The following IMMP2L variants were observed in gnomAD, a reference collection of about 807,000 sequenced individuals.
The protein encoded by IMMP2L is mitochondrial inner membrane protease subunit 2.
In IMMP2L, 18 loss-of-function variants were observed where a neutral mutation model predicts 19.3. The observed-to-expected ratio is 0.93, with a 90% CI of 0.64 to 1.38. The LOEUF is 1.38. Among genes scored for constraint, IMMP2L ranks in the 40% most tolerant of loss-of-function variants. IMMP2L has a pLI of 0.00. For synonymous variants in IMMP2L, 76 were observed against 73.0 expected (o/e 1.04, Z -0.21); for missense variants, 233 against 218.2 (o/e 1.07, Z -0.43).
intron 5 of IMMP2L, among the ~76,000 whole-genome samples, chr7:110,863,286 G>A (rs1449326410): frequency 6.6e-6 from 1 of 152,066 alleles, no homozygotes; most frequent in Non-Finnish European, 1.5e-5. Flanking sequence ...GCTTAGCTCT[G>A]CTCCACACAT....
chr7:110,997,217 T>A (rs1333937259), intron 3 of IMMP2L, among the ~76,000 whole-genome samples: 1 of 152,176 alleles, frequency 6.6e-6, no homozygotes, highest in Admixed American at 6.6e-5. Context: ...TTGTTGCATA[T>A]ATCAATAGTT....
At chr7:110,989,003 G>A (rs541171177) in intron 3 of IMMP2L, among the ~76,000 whole-genome samples, 49 of 152,106 alleles carry the variant, frequency 3.2e-4, no homozygotes, top group Non-Finnish European at 6.2e-4. Context: ...TTGGGGGACC[G>A]AGGCGGCAGA....
chr7:111,548,607 TC>T (rs1563343787), intron 1 of IMMP2L, among the ~76,000 whole-genome samples: 4 of 152,162 alleles, frequency 2.6e-5, no homozygotes, highest in Non-Finnish European at 5.9e-5. Flanking sequence ...CTCGAAGTAA[TC>T]ACCATCAACC....
intron 3 of IMMP2L, among the ~76,000 whole-genome samples, chr7:110,977,762 T>C (rs1820851911): frequency 6.6e-6 from 1 of 151,866 alleles, no homozygotes; most frequent in Admixed American, 6.6e-5. Context: ...CCTTTCTTCT[T>C]CCTTAGAACC....
intron 5 of IMMP2L, among the ~76,000 whole-genome samples, chr7:110,858,730 T>A (rs1009471681): frequency 2.0e-5 from 3 of 151,990 alleles, no homozygotes; most frequent in Non-Finnish European, 4.4e-5. Context: ...ATTAGGTATA[T>A]CTCCTAATGC....
At chr7:110,721,624 A>G (rs1206141571) in intron 5 of IMMP2L, among the ~76,000 whole-genome samples, 1 of 152,136 alleles carries the variant, frequency 6.6e-6, no homozygotes, top group Non-Finnish European at 1.5e-5. Flanking sequence ...TTATTTAGAG[A>G]ACATTTCAGT....
intron 3 of IMMP2L, among the ~76,000 whole-genome samples, chr7:110,966,917 T>C (rs1205356042): frequency 6.6e-6 from 1 of 152,000 alleles, no homozygotes; most frequent in Non-Finnish European, 1.5e-5. Context: ...GAATAACAAG[T>C]GAAGGATTAT....
chr7:111,274,997 C>T (rs1008675705), intron 3 of IMMP2L, among the ~76,000 whole-genome samples: 6 of 152,122 alleles, frequency 3.9e-5, no homozygotes, highest in Admixed American at 1.3e-4. Flanking sequence ...AGCACCAAGG[C>T]GCAACTCTGC....
chr7:111,081,001 T>C (rs1050603624), intron 3 of IMMP2L, among the ~76,000 whole-genome samples: 1 of 152,250 alleles, frequency 6.6e-6, no homozygotes, highest in Admixed American at 6.5e-5. Flanking sequence ...AGGCTGTTCA[T>C]TTCAAAATGA....
At chr7:110,703,513 A>G (rs980246806) in intron 5 of IMMP2L, among the ~76,000 whole-genome samples, 1 of 152,136 alleles carries the variant, frequency 6.6e-6, no homozygotes, top group African/African-American at 2.4e-5. Context: ...TCTCAGAGAT[A>G]ATTCCTTTTA....
rs1798301084 is a variant in IMMP2L, at chr7:110,760,685, CT to C, written c.409-96965del. Among the ~76,000 whole-genome samples, 1 of 152,112 alleles carries C rather than the reference CT, an allele frequency of 6.6e-6. No individual in the cohort carries two copies. The highest frequency in any genetic ancestry group is 6.6e-5 in the Admixed American group (1 of 15,232). ...TTGAATCTTTTTTGGTCTGTGCTTT[CT>C]TTTTGTTCTACAATATATTTATTTC... On this transcript the variant is annotated intron_variant, in intron 5 of 5. Coordinates refer to ENST00000405709, the MANE Select transcript of IMMP2L (RefSeq NM_032549.4). This position sits in a 1 kb window ranked among gnomAD's most constrained non-coding sequence, Gnocchi z 4.2.
chr7:110,962,705 C>G, intron 4 of IMMP2L: 1 of 1,004,224 alleles, frequency 1.0e-6, no homozygotes, highest in Non-Finnish European at 1.2e-6. Flanking sequence ...CTAGAATCTG[C>G]TCTAAAACTG....
intron 5 of IMMP2L, among the ~76,000 whole-genome samples, chr7:110,816,205 GC>G (rs1179028615): frequency 6.6e-6 from 1 of 152,062 alleles, no homozygotes; most frequent in Admixed American, 6.6e-5. Flanking sequence ...CTTTATTTCT[GC>G]CTTCATTTCA....
chr7:111,442,638 G>T (rs1321178568), intron 3 of IMMP2L, among the ~76,000 whole-genome samples: 1 of 151,706 alleles, frequency 6.6e-6, no homozygotes, highest in African/African-American at 2.4e-5. Flanking sequence ...TGTCTGTATA[G>T]GTACCTCAAA....
chr7:111,545,130 T>C (rs916159003), intron 1 of IMMP2L, among the ~76,000 whole-genome samples: 1 of 151,800 alleles, frequency 6.6e-6, no homozygotes, highest in Non-Finnish European at 1.5e-5. Context: ...AGTACAATTA[T>C]ATTTTTAAAT....
chr7:110,808,838 T>C (rs1196244929), intron 5 of IMMP2L, among the ~76,000 whole-genome samples: 1 of 152,074 alleles, frequency 6.6e-6, no homozygotes, highest in Non-Finnish European at 1.5e-5. Context: ...TGGTTCTATG[T>C]GGTTTTCGTC....
At chr7:110,788,847 G>C (rs777586642) in intron 5 of IMMP2L, among the ~76,000 whole-genome samples, 14 of 151,724 alleles carry the variant, frequency 9.2e-5, no homozygotes, top group Admixed American at 1.3e-4. Context: ...TAGTACATCT[G>C]TTTCCTATCC....
At chr7:111,075,845 C>A (rs1207825062) in intron 3 of IMMP2L, among the ~76,000 whole-genome samples, 2 of 152,130 alleles carry the variant, frequency 1.3e-5, no homozygotes, top group Non-Finnish European at 2.9e-5. Flanking sequence ...TTTGATGTGT[C>A]CATTATTTCG....
intron 3 of IMMP2L, among the ~76,000 whole-genome samples, chr7:111,325,106 C>T (rs1825171226): frequency 6.6e-6 from 1 of 151,644 alleles, no homozygotes; most frequent in Non-Finnish European, 1.5e-5. Context: ...TGTTATTTTA[C>T]TAGCATAAAA....
Sources: gnomAD v4.1 joint callset for allele counts (sites outside exome capture counted in the v4.1 genomes callset) on GRCh38, gnomAD v4.1.1 for gene constraint, Gnocchi (gnomAD v3.1) non-coding constraint, MANE v1.5 for transcripts, NCBI Gene and HGNC (gene_info 2026-07-23, HGNC 2026-07-21) for gene names.